The following SEZ6L variants were observed in gnomAD, a reference collection of about 807,000 sequenced individuals.
SEZ6L encodes the protein seizure related 6 homolog like, also known as seizure 6-like protein.
SEZ6L carries 37 observed loss-of-function variants against 106.2 expected under a neutral mutation model. That is an observed-to-expected ratio of 0.35 (90% CI 0.27 to 0.46). The LOEUF (loss-of-function observed/expected upper bound fraction) is 0.46, where lower values mean the gene tolerates loss of function less well. SEZ6L is among the 20% of genes least tolerant of loss of function. SEZ6L has a pLI of 1.00. For missense variants in SEZ6L, 1,172 were observed against 1,332.8 expected (o/e 0.88, Z 1.88); for synonymous variants, 541 against 570.4 (o/e 0.95, Z 0.73).
In SEZ6L at chr22:26,215,449, G is replaced by A. The variant is rs569927603; in HGVS notation, c.94+45686G>A. ...TTTTCCTTGCTTGGAAAACTTGCTG[G>A]ATAGATGACTCCCACCATCTTGAAA... On this transcript the variant is annotated intron_variant, in intron 1 of 16. Coordinates refer to ENST00000248933, the MANE Select transcript of SEZ6L (RefSeq NM_021115.5). Among the ~76,000 whole-genome samples, 9 of 152,178 alleles carry A rather than the reference G, an allele frequency of 5.9e-5. No homozygotes were observed. In the East Asian group the frequency reaches 1.7e-3, roughly 29 times the overall value.
intron 1 of SEZ6L, among the ~76,000 whole-genome samples, chr22:26,282,266 A>G (rs866712375): frequency 6.6e-6 from 1 of 152,194 alleles, no homozygotes; most frequent in Middle Eastern, 3.2e-3. Flanking sequence ...CTAGTCCCCT[A>G]TGGATGGGTA....
At chr22:26,222,259 C>A (rs1481050340) in intron 1 of SEZ6L, among the ~76,000 whole-genome samples, 1 of 152,184 alleles carries the variant, frequency 6.6e-6, no homozygotes, top group Non-Finnish European at 1.5e-5. Context: ...TAGAGTGCAG[C>A]ACTTGGAGGG....
At position 26,381,577 on chromosome 22, in the gene SEZ6L, A is replaced by G. The variant is rs1345183723; in HGVS notation, c.*1282A>G. 6.4e-6 allele frequency: 1 copy of G among 155,330 alleles called. No homozygotes were observed. Among genetic ancestry groups the G allele is most frequent in the Non-Finnish European group, 1.4e-5 (1 of 69,868 alleles). The allele number at this position is 155,330 out of a possible 1,614,324, so 9.6% of individuals were successfully genotyped here. On this transcript the variant is annotated 3_prime_UTR_variant, in exon 17 of 17. Coordinates refer to ENST00000248933, the MANE Select transcript of SEZ6L (RefSeq NM_021115.5). ...CAATGAAGACAGAGAGAGGAATTTC[A>G]TTCAGAAAGGATTCCATAGCCCCAC...
rs372755750 is a variant in SEZ6L, at chr22:26,230,500, G to T, written c.94+60737G>T. On this transcript the variant is annotated intron_variant, in intron 1 of 16. Transcript: ENST00000248933. ...AACAGCCATGAGCAAGACTGACAAGGTTCCTGCTTTTGTGGTCCTTATATT... is the reference window on the plus strand; with the variant it reads ...AACAGCCATGAGCAAGACTGACAAGTTTCCTGCTTTTGTGGTCCTTATATT... 5.8e-4 allele frequency among the ~76,000 whole-genome samples: 88 copies of T among 152,302 alleles called. 5 individuals are homozygous for T. In the South Asian group the frequency reaches 0.017, roughly 29 times the overall value.
At chr22:26,231,700 A>G (rs1310138109) in intron 1 of SEZ6L, among the ~76,000 whole-genome samples, 2 of 152,018 alleles carry the variant, frequency 1.3e-5, no homozygotes, top group Non-Finnish European at 2.9e-5. Flanking sequence ...ATCATTCATC[A>G]CCCGCCCTGC....
At chr22:26,170,098 T>C (rs1382953035) in intron 1 of SEZ6L, among the ~76,000 whole-genome samples, 2 of 152,074 alleles carry the variant, frequency 1.3e-5, no homozygotes, top group African/African-American at 4.8e-5. Context: ...CCGGCGCTTC[T>C]CTGCAACCGC....
At chr22:26,206,356 C>A (rs904378868) in intron 1 of SEZ6L, among the ~76,000 whole-genome samples, 8 of 152,202 alleles carry the variant, frequency 5.3e-5, no homozygotes, top group African/African-American at 1.9e-4. Flanking sequence ...TCCAAGAGTT[C>A]TGCATAGTAT....
In SEZ6L at chr22:26,375,092, A is replaced by G. The variant is rs73415345; in HGVS notation, c.2828-483A>G. Among the ~76,000 whole-genome samples, 779 of 152,038 alleles carry G rather than the reference A, an allele frequency of 5.1e-3. 7 individuals are homozygous for G. The highest frequency in any genetic ancestry group is 0.017 in the African/African-American group (702 of 41,460). The stretch of plus-strand genomic sequence containing the variant: ...CACCAGGTCTGAGAATCCCTTAGAA[A>G]CCTTGCGGCTGACCACCAGCACCGT... On this transcript the variant is annotated intron_variant, in intron 14 of 16. Transcript: ENST00000248933.
At chr22:26,201,168 G>A (rs568545823) in intron 1 of SEZ6L, among the ~76,000 whole-genome samples, 27 of 152,132 alleles carry the variant, frequency 1.8e-4, no homozygotes, top group Admixed American at 1.6e-3. Context: ...CAGAGCCCGA[G>A]CCTCTGGCAG....
chr22:26,239,595 G>A (rs1377816046), intron 1 of SEZ6L, among the ~76,000 whole-genome samples: 1 of 152,074 alleles, frequency 6.6e-6, no homozygotes, highest in African/African-American at 2.4e-5. Context: ...CCTCTGGGAG[G>A]ACTGATTCAA....
At position 26,380,151 on chromosome 22, in the gene SEZ6L, CT is replaced by C. The variant is rs1351240623; in HGVS notation, c.3046-114del. On this transcript the variant is annotated intron_variant, in intron 16 of 16. Coordinates refer to ENST00000248933, the MANE Select transcript of SEZ6L (RefSeq NM_021115.5). The stretch of plus-strand genomic sequence containing the variant: ...AAATCAGGGTCAGAGTGGGAGGGCA[CT>C]GAAAAGTCACGACCAAGGGCATGGA... The C allele has an allele frequency of 9.4e-6, 9 of 958,170 alleles. No individual in the cohort carries two copies. In the East Asian group the frequency reaches 2.2e-4, roughly 23 times the overall value. The allele number at this position is 958,170 out of a possible 1,614,324, so 59.4% of individuals were successfully genotyped here. A position where few individuals can be genotyped will look rare whatever the true frequency, so the allele number is the denominator to read the frequency against.
At chr22:26,319,779 T>C (rs2082104845) in intron 9 of SEZ6L, among the ~76,000 whole-genome samples, 2 of 152,240 alleles carry the variant, frequency 1.3e-5, no homozygotes, top group Admixed American at 6.5e-5. Flanking sequence ...TTTTGTCTTA[T>C]TCACTGCCGT....
intron 12 of SEZ6L, among the ~76,000 whole-genome samples, chr22:26,356,567 G>A (rs1477734694): frequency 3.3e-5 from 5 of 151,698 alleles, no homozygotes; most frequent in Admixed American, 2.6e-4. Context: ...GCTGGAACCC[G>A]GGAGGCGGAG....
In SEZ6L at chr22:26,296,772, T is replaced by C. The variant is rs1015290194; in HGVS notation, c.970-116T>C. ...CTCGGCATGGGGCCCAGGGGTCCCG[T>C]TGACCAGGGGCTAGCAGTACCTGGG... On this transcript the variant is annotated intron_variant, in intron 3 of 16. Transcript: ENST00000248933. The C allele has an allele frequency of 2.0e-5, 17 of 855,684 alleles. No homozygotes were observed. In the East Asian group the frequency reaches 3.5e-4, roughly 18 times the overall value. The allele number at this position is 855,684 out of a possible 1,614,324, so 53.0% of individuals were successfully genotyped here. A position where few individuals can be genotyped will look rare whatever the true frequency, so the allele number is the denominator to read the frequency against.
intron 1 of SEZ6L, among the ~76,000 whole-genome samples, chr22:26,269,460 C>A (rs2080292626): frequency 6.6e-6 from 1 of 152,130 alleles, no homozygotes; most frequent in Non-Finnish European, 1.5e-5. Flanking sequence ...GCTAACACCA[C>A]CCCAGGTCAA....
chr22:26,183,457 TTTC>T (rs1939540931), intron 1 of SEZ6L, among the ~76,000 whole-genome samples: 1 of 152,192 alleles, frequency 6.6e-6, no homozygotes, highest in Non-Finnish European at 1.5e-5. Flanking sequence ...GAGCCATGAA[TTTC>T]TGGGACCACT....
At chr22:26,236,307 G>A (rs974552049) in intron 1 of SEZ6L, among the ~76,000 whole-genome samples, 5 of 152,162 alleles carry the variant, frequency 3.3e-5, no homozygotes, top group South Asian at 2.1e-4. Context: ...GAGGGGGACC[G>A]ACCCTCTAAT....
chr22:26,268,756 G>C (rs2080267804), intron 1 of SEZ6L, among the ~76,000 whole-genome samples: 1 of 152,186 alleles, frequency 6.6e-6, no homozygotes, highest in Non-Finnish European at 1.5e-5. Flanking sequence ...TAGTACCACT[G>C]CCCTAGCTGT....
At chr22:26,337,031 C>A (rs914127327) in intron 9 of SEZ6L, among the ~76,000 whole-genome samples, 1 of 152,138 alleles carries the variant, frequency 6.6e-6, no homozygotes, top group Non-Finnish European at 1.5e-5. Flanking sequence ...CATCACCGAG[C>A]TTGCCCAGGT....
Sources: allele counts gnomAD v4.1 joint callset (sites outside exome capture counted in the v4.1 genomes callset), GRCh38; gene constraint gnomAD v4.1.1; transcripts MANE v1.5; gene names NCBI Gene and HGNC (gene_info 2026-07-23, HGNC 2026-07-21).